CUL1: variants seen among roughly 807,000 people sequenced by gnomAD.
The protein encoded by CUL1 is cullin-1.
In CUL1, 24 loss-of-function variants were observed where a neutral mutation model predicts 118.0. The observed-to-expected ratio is 0.20, with a 90% CI of 0.15 to 0.29. The LOEUF is 0.29. CUL1 is among the 10% of genes least tolerant of loss of function. The probability of loss-of-function intolerance (pLI) is 1.00; values close to 1 mark genes in which losing one functional copy is unlikely to be tolerated. For missense variants in CUL1, 361 were observed against 933.8 expected (o/e 0.39, Z 7.99); for synonymous variants, 332 against 340.4 (o/e 0.98, Z 0.27).
intron 9 of CUL1, among the ~76,000 whole-genome samples, chr7:148,768,648 G>C (rs973373673): frequency 6.6e-6 from 1 of 152,112 alleles, no homozygotes; most frequent in Non-Finnish European, 1.5e-5. Context: ...GCCTCCCAAA[G>C]TGCTGAGATT....
chr7:148,754,363 A>T (rs1799589678), intron 3 of CUL1, among the ~76,000 whole-genome samples: 1 of 152,168 alleles, frequency 6.6e-6, no homozygotes, highest in East Asian at 1.9e-4. Flanking sequence ...CGAGATGGAG[A>T]TCTCACTATG....
At chr7:148,783,631 A>C (rs1328282028) in intron 9 of CUL1, 152 bp from the exon 10 acceptor site, 2 of 1,539,734 alleles carry the variant, frequency 1.3e-6, no homozygotes, top group Admixed American at 3.9e-5. Context: ...CAACGATGGT[A>C]CCAAAAGTAT....
intron 1 of CUL1, among the ~76,000 whole-genome samples, chr7:148,700,887 C>G (rs575224610): frequency 6.6e-6 from 1 of 152,250 alleles, no homozygotes; most frequent in African/African-American, 2.4e-5. Flanking sequence ...GCCAGCCCCA[C>G]CCCCCACTCC....
intron 2 of CUL1, among the ~76,000 whole-genome samples, chr7:148,739,514 C>G (rs1482032564): frequency 1.3e-5 from 2 of 152,178 alleles, no homozygotes; most frequent in Non-Finnish European, 2.9e-5. Flanking sequence ...TTTATATGCT[C>G]GTTGACCATT....
At chr7:148,699,205 T>A (rs1205340380) in intron 1 of CUL1, among the ~76,000 whole-genome samples, 176 bp downstream of exon 1, 1 of 151,778 alleles carries the variant, frequency 6.6e-6, no homozygotes, top group East Asian at 1.9e-4. Context: ...GCCGGGGGAC[T>A]CGTGGGCGGA....
chr7:148,794,418 T>C (rs1221126167), intron 17 of CUL1, among the ~76,000 whole-genome samples: 1 of 152,216 alleles, frequency 6.6e-6, no homozygotes, highest in East Asian at 1.9e-4. Flanking sequence ...TCAATTATTT[T>C]CCAGTGATCT....
intron 1 of CUL1, among the ~76,000 whole-genome samples, chr7:148,704,528 T>C (rs1797823660): frequency 1.3e-5 from 2 of 152,232 alleles, no homozygotes; most frequent in South Asian, 4.1e-4. Flanking sequence ...GGGTGTGCTG[T>C]TATTTAACTA....
chr7:148,756,557 G>T (rs934875488), intron 3 of CUL1, among the ~76,000 whole-genome samples: 1 of 152,112 alleles, frequency 6.6e-6, no homozygotes. Flanking sequence ...GGCTGGTCTT[G>T]AACTCCTGAC....
chr7:148,761,752 G>A (rs923977126), intron 7 of CUL1, among the ~76,000 whole-genome samples: 2 of 152,192 alleles, frequency 1.3e-5, no homozygotes, highest in Non-Finnish European at 2.9e-5. Context: ...AAAAAGGCAG[G>A]CAGGCAGAAT....
intron 2 of CUL1, among the ~76,000 whole-genome samples, chr7:148,750,494 C>T (rs1214418796): frequency 6.6e-6 from 1 of 152,078 alleles, no homozygotes; most frequent in Non-Finnish European, 1.5e-5. Context: ...GTTCCCCTTC[C>T]TGTGTCCAAG....
intron 9 of CUL1, chr7:148,783,440 G>C: frequency 1.0e-6 from 1 of 985,466 alleles, no homozygotes; most frequent in Non-Finnish European, 1.2e-6. Context: ...AGAGTCCAGA[G>C]TTCCACTGTT....
Position 148,788,781 on chromosome 7 carries a change from T to C in CUL1, c.1597+107T>C, listed in dbSNP as rs575186897. On this transcript the variant is annotated intron_variant, in intron 14 of 21. Coordinates refer to ENST00000325222, the MANE Select transcript of CUL1 (RefSeq NM_003592.3). ...AGATGGGAGGGGCTTTGTCAGAAAT[T>C]CAAGAACTAAGAAGCGGGAGATTCC... The C allele has an allele frequency of 1.2e-4, 88 of 764,340 alleles. 1 individual carries two copies. The South Asian group carries it at 1.4e-3, about 12-fold the overall frequency. The allele number at this position is 764,340 out of a possible 1,614,324, so 47.3% of individuals were successfully genotyped here. A position where few individuals can be genotyped will look rare whatever the true frequency, so the allele number is the denominator to read the frequency against.
At chr7:148,794,937 T>C (rs1298597567) in intron 17 of CUL1, among the ~76,000 whole-genome samples, 2 of 152,004 alleles carry the variant, frequency 1.3e-5, no homozygotes, top group African/African-American at 2.4e-5. Context: ...GTTCCAGCAA[T>C]TCTCCCACCT....
chr7:148,783,756 T>C, intron 9 of CUL1, 27 bp from the exon 10 acceptor site: 1 of 1,610,618 alleles, frequency 6.2e-7, no homozygotes, highest in Non-Finnish European at 8.5e-7. Flanking sequence ...TAACCAACTT[T>C]TGTTTCTATT....
Position 148,730,058 on chromosome 7 carries a change from A to G in CUL1, c.-65A>G. 6.5e-7 allele frequency: 1 copy of G among 1,540,652 alleles called. No individual in the cohort carries two copies. Among genetic ancestry groups the G allele is most frequent in the South Asian group, 1.2e-5 (1 of 81,000 alleles). On this transcript the variant is annotated 5_prime_UTR_variant, in exon 2 of 22. An upstream start codon of the reference 5' UTR is lost. Transcript: ENST00000325222. ...GAATGGTACTGTATATTTTCATCTAATGGAGAACTAGCTGTACTTTGAATA... is the reference window on the plus strand; with the variant it reads ...GAATGGTACTGTATATTTTCATCTAGTGGAGAACTAGCTGTACTTTGAATA...
At chr7:148,784,123 C>A in intron 11 of CUL1, 46 bp downstream of exon 11, 1 of 1,444,326 alleles carries the variant, frequency 6.9e-7, no homozygotes, top group South Asian at 1.2e-5. Flanking sequence ...TTTAAAATCT[C>A]AGCTTTTATA....
intron 11 of CUL1, among the ~76,000 whole-genome samples, chr7:148,785,216 A>G (rs1031734188): frequency 1.3e-5 from 2 of 152,142 alleles, no homozygotes; most frequent in Admixed American, 1.3e-4. Flanking sequence ...TAATTTAACA[A>G]TTGCGATCAG....
At chr7:148,708,013 T>C (rs943430588) in intron 1 of CUL1, among the ~76,000 whole-genome samples, 19 of 152,204 alleles carry the variant, frequency 1.2e-4, no homozygotes, top group Admixed American at 1.2e-3. Flanking sequence ...TTACCTTTCT[T>C]TTTTCTTGGG....
At chr7:148,797,510 A>G (rs1178263416) in intron 17 of CUL1, among the ~76,000 whole-genome samples, 8 of 151,994 alleles carry the variant, frequency 5.3e-5, no homozygotes. Flanking sequence ...TTCTAGTCCC[A>G]GGCATTTCAG....
Sources: allele counts gnomAD v4.1 joint callset (sites outside exome capture counted in the v4.1 genomes callset), GRCh38; gene constraint gnomAD v4.1.1; transcripts MANE v1.5; gene names NCBI Gene and HGNC (gene_info 2026-07-23, HGNC 2026-07-21).